GPS2: variants seen among roughly 807,000 people sequenced by gnomAD.
GPS2 encodes the protein G protein pathway suppressor 2, also known as GPS-2.
A neutral mutation model predicts 48.1 loss-of-function variants in GPS2; 22 were observed. The observed-to-expected ratio is 0.46, with a 90% CI of 0.33 to 0.65. The LOEUF is 0.65. Ranked by LOEUF, GPS2 falls within the 30% of genes least tolerant of loss-of-function variation. The pLI is 0.03. For synonymous variants in GPS2, 202 were observed against 142.5 expected (o/e 1.42, Z -2.98); for missense variants, 366 against 406.8 (o/e 0.90, Z 0.86).
intron 10 of GPS2, 79 bp from the exon 11 acceptor site, chr17:7,312,918 C>T: frequency 6.7e-7 from 1 of 1,498,198 alleles, no homozygotes; most frequent in Non-Finnish European, 9.3e-7. Flanking sequence ...ATAACCACCC[C>T]CAAAGAGGAA....
At position 7,314,358 on chromosome 17, in the gene GPS2, G is replaced by A; in HGVS notation, c.250C>T (p.His84Tyr). Residue 84 changes from histidine to tyrosine, a missense_variant, in exon 4 of 11, where the codon CAC (histidine) becomes TAC (tyrosine). His to Tyr is a moderately conservative substitution (Grantham distance 83). Transcript: ENST00000380728. ...EKLLALQEEK[H>Y]QLFLQLKKVL... The stretch of plus-strand genomic sequence containing the variant: ...TTCTTGAGCTGCAGGAAAAGCTGGT[G>A]CTTCTCTTCCTGTAGAGCCAAAAGC... The A allele has an allele frequency of 6.2e-7, 1 of 1,614,158 alleles. No homozygotes were observed. The highest frequency in any genetic ancestry group is 8.5e-7 in the Non-Finnish European group (1 of 1,180,028).
At chr17:7,312,959 C>T in intron 10 of GPS2, 70 bp downstream of exon 10, 1 of 1,455,666 alleles carries the variant, frequency 6.9e-7, no homozygotes, top group African/African-American at 1.4e-5. Context: ...GCCACCTGTC[C>T]TACCTAATCC....
Position 7,314,484 on chromosome 17 carries a change from T to C in GPS2, c.204+4A>G. 6.2e-7 allele frequency: 1 copy of C among 1,614,232 alleles called. No homozygotes were observed. The highest frequency in any genetic ancestry group is 2.2e-5 in the East Asian group (1 of 44,888). ...AAGCTGGGAAAGTTCAAGGGACTGC[T>C]TACTTGTTCCTTGGTCTCCTCTAAT... On this transcript the variant is annotated splice_donor_region_variant and intron_variant, in intron 3 of 10. Transcript: ENST00000380728.
At chr17:7,315,196 C>G in intron 1 of GPS2, 77 bp from the exon 2 acceptor site, 1 of 440,350 alleles carries the variant, frequency 2.3e-6, no homozygotes, top group East Asian at 4.0e-5. Context: ...GCTCGCCGCC[C>G]CGGTCACGTG....
chr17:7,312,773 G>A lies in GPS2; in HGVS notation c.967C>T (p.Arg323Ter). 1.9e-6 allele frequency: 3 copies of A among 1,613,788 alleles called. No individual in the cohort carries two copies. The highest frequency in any genetic ancestry group is 1.1e-5 in the South Asian group (1 of 91,082). ...LPFIQHSQNP[R>*]FYHK ...TCTGATGGTCACTTGTGGTAGAATC[G>A]CGGGTTCTGGCTGTGTTGGATGAAG... The change falls in exon 11 of 11, where the codon CGA becomes TGA. Residue 323 changes from arginine (R) to a stop codon, truncating the protein, a stop_gained. Transcript: ENST00000380728. LOFTEE classifies it high-confidence loss of function.
At chr17:7,314,904 T>G in intron 2 of GPS2, 55 bp downstream of exon 2, 14 of 1,535,482 alleles carry the variant, frequency 9.1e-6, no homozygotes, top group South Asian at 2.4e-5. Flanking sequence ...AGGCCAGCCT[T>G]GAGGTACAGG....
intron 5 of GPS2, 34 bp from the exon 6 acceptor site, chr17:7,314,022 T>C (rs2072902540): frequency 6.2e-7 from 1 of 1,611,232 alleles, no homozygotes; most frequent in Non-Finnish European, 8.5e-7. Context: ...GATGCTGAAA[T>C]GGGAGGCTGT....
intron 2 of GPS2, 95 bp from the exon 3 acceptor site, chr17:7,314,692 G>A: frequency 6.3e-7 from 1 of 1,592,168 alleles, no homozygotes; most frequent in Non-Finnish European, 8.5e-7. Context: ...ATCCCAACAC[G>A]CCTGTATGCT....
chr17:7,313,644 A>G lies in GPS2; in HGVS notation c.558T>C (p.Gly186=), dbSNP rs772091319. ...EHGQFQGSPG[G]AYGTAQPPPH... ...GTGGGGGCTGAGCAGTCCCATAGGC[A>G]CCACCAGGACTGCCTTGGAATTGTC... The change falls in exon 7 of 11, where the codon GGT becomes GGC. Residue 186 remains glycine (G), a synonymous_variant. Transcript: ENST00000380728. The G allele has an allele frequency of 6.2e-7, 1 of 1,613,982 alleles. No homozygotes were observed. Among genetic ancestry groups the G allele is most frequent in the African/African-American group, 1.3e-5 (1 of 74,910 alleles).
At chr17:7,313,151 G>A (rs1354742777) in intron 9 of GPS2, 27 bp from the exon 10 acceptor site, 18 of 1,608,666 alleles carry the variant, frequency 1.1e-5, no homozygotes, top group African/African-American at 2.7e-5. Flanking sequence ...CAGGGCCTGA[G>A]GCATACTGAA....
At position 7,315,060 on chromosome 17, in the gene GPS2, CCGT is replaced by C; in HGVS notation, c.-11_-9del. ...CTCCAGGAGTGCGGGCATGGTGCTGCCGTGGGCGCTCGGGCCGTGGGCGCCCGG... is the reference window on the plus strand; with the variant it reads ...CTCCAGGAGTGCGGGCATGGTGCTGCGGGCGCTCGGGCCGTGGGCGCCCGG... On this transcript the variant is annotated 5_prime_UTR_variant, in exon 2 of 11. Coordinates refer to ENST00000380728, the MANE Select transcript of GPS2 (RefSeq NM_004489.5). 6.3e-7 allele frequency: 1 copy of C among 1,581,356 alleles called. No homozygotes were observed. Among genetic ancestry groups the C allele is most frequent in the South Asian group, 1.1e-5 (1 of 87,616 alleles).
In GPS2 at chr17:7,312,669, G is replaced by A. The variant is rs1308569814; in HGVS notation, c.*87C>T. On this transcript the variant is annotated 3_prime_UTR_variant, in exon 11 of 11. Coordinates refer to ENST00000380728, the MANE Select transcript of GPS2 (RefSeq NM_004489.5). The stretch of plus-strand genomic sequence containing the variant: ...ACAGCAGCAGCCAGGGGCAGTGGCA[G>A]GTAGATTTTATTGGCCTGGGACACA... 3.8e-6 allele frequency: 4 copies of A among 1,053,968 alleles called. No individual in the cohort carries two copies. The highest frequency in any genetic ancestry group is 1.7e-5 in the Admixed American group (1 of 58,650). The allele number at this position is 1,053,968 out of a possible 1,614,324, so 65.3% of individuals were successfully genotyped here.
intron 1 of GPS2, 41 bp from the exon 2 acceptor site, chr17:7,315,160 C>T (rs1047000556): frequency 1.4e-6 from 1 of 722,056 alleles, no homozygotes; most frequent in Non-Finnish European, 2.0e-6. Flanking sequence ...GCGCCCGGCC[C>T]AGGCGGAAGC....
In GPS2 at chr17:7,315,101, G is replaced by C; in HGVS notation, c.-49C>G. ...CGTGGGCGCCCGGCTGTCTCTGACT[G>C]CCAGACCTCAGACGGGGCCTGCGGG... On this transcript the variant is annotated 5_prime_UTR_variant, in exon 2 of 11. Transcript: ENST00000380728. 1 of 1,458,562 alleles carries C rather than the reference G, an allele frequency of 6.9e-7. No homozygotes were observed. Among genetic ancestry groups the C allele is most frequent in the Non-Finnish European group, 9.2e-7 (1 of 1,082,224 alleles). The allele number at this position is 1,458,562 out of a possible 1,614,324, so 90.4% of individuals were successfully genotyped here. A position where few individuals can be genotyped will look rare whatever the true frequency, so the allele number is the denominator to read the frequency against.
At chr17:7,313,790 C>A in intron 6 of GPS2, 69 bp from the exon 7 acceptor site, 1 of 1,584,230 alleles carries the variant, frequency 6.3e-7, no homozygotes, top group Non-Finnish European at 8.7e-7. Context: ...TTGTGTGTAT[C>A]TGTATGCCCC....
Position 7,312,664 on chromosome 17 carries a change from T to C in GPS2, c.*92A>G. On this transcript the variant is annotated 3_prime_UTR_variant, in exon 11 of 11. Transcript: ENST00000380728. ...CACAAACAGCAGCAGCCAGGGGCAG[T>C]GGCAGGTAGATTTTATTGGCCTGGG... 9.9e-7 allele frequency: 1 copy of C among 1,005,258 alleles called. No homozygotes were observed. Among genetic ancestry groups the C allele is most frequent in the South Asian group, 1.3e-5 (1 of 77,202 alleles). 62.3% of individuals were successfully genotyped at this position (1,005,258 alleles called of 1,614,324 possible). A position where few individuals can be genotyped will look rare whatever the true frequency, so the allele number is the denominator to read the frequency against.
Position 7,312,700 on chromosome 17 carries a change from G to T in GPS2, c.*56C>A. 1.5e-6 allele frequency: 2 copies of T among 1,351,166 alleles called. No homozygotes were observed. Among genetic ancestry groups the T allele is most frequent in the Non-Finnish European group, 1.1e-6 (1 of 940,248 alleles). 83.7% of individuals were successfully genotyped at this position (1,351,166 alleles called of 1,614,324 possible). ...TTTTATTGGCCTGGGACACACAGGG[G>T]ATACCCTCACCCACGATGGGGTGGG... is the stretch of plus-strand genomic sequence containing the variant. On this transcript the variant is annotated 3_prime_UTR_variant, in exon 11 of 11. Transcript: ENST00000380728.
chr17:7,312,949 G>A, intron 10 of GPS2, 80 bp downstream of exon 10: 1 of 1,458,990 alleles, frequency 6.9e-7, no homozygotes, highest in Non-Finnish European at 9.5e-7. Context: ...GATGATGTGG[G>A]CCACCTGTCC....
Position 7,313,097 on chromosome 17 carries a change from C to T in GPS2, c.832G>A (p.Ala278Thr). ...AGGAGTCCAGGGGCTGGATGCAGAG[C>T]CTGGGGGTGCATGGGGCGCAGAGAG... ...SSSLRPMHPQ[A>T]LHPAPGLLAS... The change falls in exon 10 of 11, where the codon GCT becomes ACT. Residue 278 changes from alanine to threonine, a missense_variant. By Grantham distance (58) the Ala-to-Thr change is moderately conservative (BLOSUM62 0). This residue lies in a region of GPS2 where 275 missense variants were observed against 282.3 expected (regional missense o/e 0.97). Transcript: ENST00000380728. 6.3e-7 allele frequency: 1 copy of T among 1,583,820 alleles called. No individual in the cohort carries two copies. Among genetic ancestry groups the T allele is most frequent in the Non-Finnish European group, 8.6e-7 (1 of 1,161,824 alleles).
Sources: allele counts gnomAD v4.1 joint callset, GRCh38; gene constraint gnomAD v4.1.1; regional missense constraint gnomAD v4.1.1; transcripts MANE v1.5; gene names NCBI Gene and HGNC (gene_info 2026-07-23, HGNC 2026-07-21).